NREP: variants seen among roughly 807,000 people sequenced by gnomAD.
NREP encodes the protein neuronal regeneration related protein.
Under a neutral mutation model 8.6 loss-of-function variants are expected in NREP, and 5 were observed. That is an observed-to-expected ratio of 0.58 (90% CI 0.30 to 1.22). The LOEUF (loss-of-function observed/expected upper bound fraction) is 1.22. Among genes scored for constraint, NREP ranks in the 50% most tolerant of loss-of-function variants. The probability of loss-of-function intolerance (pLI) is 0.07; values close to 1 mark genes in which losing one functional copy is unlikely to be tolerated. For synonymous variants in NREP, 27 were observed against 28.0 expected (o/e 0.96, Z 0.11); for missense variants, 86 against 82.5 (o/e 1.04, Z -0.17).
At chr5:111,789,737 T>G (rs143792733) in intron 2 of NREP, among the ~76,000 whole-genome samples, 346 of 152,332 alleles carry the variant, frequency 2.3e-3, no homozygotes, top group African/African-American at 7.7e-3. Context: ...TAGCAGCTTT[T>G]ATTGACCCTC....
At chr5:111,828,560 A>T (rs1752684243) in intron 2 of NREP, among the ~76,000 whole-genome samples, 1 of 152,132 alleles carries the variant, frequency 6.6e-6, no homozygotes, top group Admixed American at 6.5e-5. Flanking sequence ...TTAATTTCAC[A>T]CTTAAGAGCC....
Position 111,907,814 on chromosome 5 carries a change from A to T in NREP, c.135+67460T>A, listed in dbSNP as rs192873901. Among the ~76,000 whole-genome samples, 378 of 152,122 alleles carry T rather than the reference A, an allele frequency of 2.5e-3. 3 individuals are homozygous for T. The highest frequency in any genetic ancestry group is 8.6e-3 in the African/African-American group (358 of 41,538). On this transcript the variant is annotated intron_variant, in intron 2 of 3. Transcript: ENST00000395634. Reference sequence around the variant, plus strand: ...CCAAGAAGTCTTTTAAGTCTGTCCCATGGTGGATGAAGTGTTCCTCTCAAG... The same window carrying T: ...CCAAGAAGTCTTTTAAGTCTGTCCCTTGGTGGATGAAGTGTTCCTCTCAAG...
upstream of NREP, among the ~76,000 whole-genome samples, chr5:111,760,289 A>G (rs1223205028): frequency 6.6e-5 from 10 of 152,208 alleles, no homozygotes; most frequent in Non-Finnish European, 1.2e-4. Context: ...AGGGAGACTC[A>G]TCCTTGATTG....
At chr5:111,820,574 T>A (rs1752493337) in intron 2 of NREP, among the ~76,000 whole-genome samples, 1 of 152,158 alleles carries the variant, frequency 6.6e-6, no homozygotes, top group South Asian at 2.1e-4. Context: ...GAGCTGATTT[T>A]TTTTTTTAAT....
At chr5:111,934,631 T>C (rs184101639) in intron 2 of NREP, among the ~76,000 whole-genome samples, 272 of 152,174 alleles carry the variant, frequency 1.8e-3, no homozygotes, top group African/African-American at 6.1e-3. Context: ...TCCTTGACTC[T>C]CAGGAGGAAT....
At chr5:111,765,061 T>G (rs1347051540) in intron 2 of NREP, among the ~76,000 whole-genome samples, 2 of 152,182 alleles carry the variant, frequency 1.3e-5, no homozygotes, top group Admixed American at 1.3e-4. Context: ...AAATCAGCAT[T>G]CTCCAACCTT....
chr5:111,956,259 G>T (rs1756315744), intron 2 of NREP, among the ~76,000 whole-genome samples: 1 of 152,006 alleles, frequency 6.6e-6, no homozygotes, highest in South Asian at 2.1e-4. Flanking sequence ...AATGTCTGCA[G>T]CAAGAAAATA....
At chr5:111,864,674 C>T (rs1012558273) in intron 2 of NREP, among the ~76,000 whole-genome samples, 7 of 151,640 alleles carry the variant, frequency 4.6e-5, no homozygotes, top group African/African-American at 1.7e-4. Context: ...GAAATGAGTC[C>T]AAATGGTTGC....
intron 2 of NREP, among the ~76,000 whole-genome samples, chr5:111,857,081 G>A (rs774870292): frequency 6.6e-6 from 1 of 152,182 alleles, no homozygotes; most frequent in South Asian, 2.1e-4. Flanking sequence ...AAACACAGCT[G>A]TAATAGGAAA....
intron 2 of NREP, among the ~76,000 whole-genome samples, chr5:111,875,733 A>G (rs1753891274): frequency 6.6e-6 from 1 of 152,210 alleles, no homozygotes; most frequent in South Asian, 2.1e-4. Context: ...AAATTAGTGG[A>G]AGGAGTTCCA....
chr5:111,941,739 T>G (rs1755835373), intron 2 of NREP, among the ~76,000 whole-genome samples: 1 of 152,040 alleles, frequency 6.6e-6, no homozygotes, highest in Admixed American at 6.6e-5. Context: ...TAATAAAAGC[T>G]TCAATGTTTC....
intron 2 of NREP, among the ~76,000 whole-genome samples, chr5:111,894,413 T>C (rs2112538305): frequency 6.6e-6 from 1 of 151,846 alleles, no homozygotes; most frequent in African/African-American, 2.4e-5. Flanking sequence ...AATAAATGCA[T>C]TCTAATCAGG....
chr5:111,745,969 T>A (rs1447904626), intron 2 of NREP, among the ~76,000 whole-genome samples: 1 of 152,144 alleles, frequency 6.6e-6, no homozygotes, highest in Non-Finnish European at 1.5e-5. Flanking sequence ...AGGTATCAAA[T>A]AGCAAATAAT....
chr5:111,841,110 CAAG>C (rs1258665953), intron 2 of NREP, among the ~76,000 whole-genome samples: 1 of 151,984 alleles, frequency 6.6e-6, no homozygotes, highest in Non-Finnish European at 1.5e-5. Flanking sequence ...AAGAGTGAAA[CAAG>C]GATAGGGAAG....
intron 2 of NREP, among the ~76,000 whole-genome samples, chr5:111,844,649 A>ATATATATAT (rs1004601108): frequency 5.5e-5 from 8 of 145,906 alleles, no homozygotes; most frequent in South Asian, 4.2e-4. Context: ...ATATCAACTA[A>ATATATATAT]TATATATATT....
intron 2 of NREP, among the ~76,000 whole-genome samples, chr5:111,934,048 C>T (rs951137387): frequency 3.9e-5 from 6 of 151,996 alleles, no homozygotes; most frequent in African/African-American, 1.4e-4. Flanking sequence ...AAAGCAGAGG[C>T]TTTTAAAGGG....
intron 2 of NREP, among the ~76,000 whole-genome samples, chr5:111,904,647 C>T (rs1754733833): frequency 6.6e-6 from 1 of 152,054 alleles, no homozygotes; most frequent in Non-Finnish European, 1.5e-5. Flanking sequence ...GCCCCAGGAA[C>T]TTCATCATAA....
chr5:111,764,605 AC>A (rs1385888574), intron 2 of NREP, among the ~76,000 whole-genome samples: 1 of 152,188 alleles, frequency 6.6e-6, no homozygotes, highest in African/African-American at 2.4e-5. Context: ...GGTCCCTCCC[AC>A]AACACGTGGG....
chr5:111,752,555 T>C (rs187663135), intron 2 of NREP, among the ~76,000 whole-genome samples: 15 of 152,312 alleles, frequency 9.8e-5, no homozygotes, highest in Admixed American at 2.6e-4. Context: ...AAGGAAACCT[T>C]ATGTTAATGG....
Sources: gnomAD v4.1 joint callset for allele counts (sites outside exome capture counted in the v4.1 genomes callset) on GRCh38, gnomAD v4.1.1 for gene constraint, MANE v1.5 for transcripts, NCBI Gene and HGNC (gene_info 2026-07-23, HGNC 2026-07-21) for gene names.